JARID2: variants seen among roughly 807,000 people sequenced by gnomAD.
The protein encoded by JARID2 is protein Jumonji.
A neutral mutation model predicts 125.6 loss-of-function variants in JARID2; 21 were observed. The observed-to-expected ratio is 0.17, with a 90% CI of 0.12 to 0.24. JARID2 has a LOEUF of 0.24. JARID2 is among the 10% of genes least tolerant of loss of function. The pLI, the probability that JARID2 is intolerant of heterozygous loss-of-function variation, is 1.00. For missense variants in JARID2, 1,303 were observed against 1,639.6 expected, an observed-to-expected ratio of 0.79 and a Z score of 3.55; for synonymous variants, 736 against 661.6, an observed-to-expected ratio of 1.11 and a Z score of -1.73.
At chr6:15,452,509 G>A (rs1312480532) in intron 4 of JARID2, among the ~76,000 whole-genome samples, 1 of 152,072 alleles carries the variant, frequency 6.6e-6, no homozygotes, top group East Asian at 1.9e-4. Context: ...TTGCTGACTT[G>A]TTTTGTAAGG....
intron 2 of JARID2, among the ~76,000 whole-genome samples, chr6:15,384,713 G>A (rs953942077): frequency 4.0e-5 from 6 of 151,810 alleles, no homozygotes; most frequent in African/African-American, 1.5e-4. Context: ...CCAACCCCCC[G>A]AACTCAAGTT....
chr6:15,344,968 A>G (rs1242020406), intron 1 of JARID2, among the ~76,000 whole-genome samples: 1 of 152,086 alleles, frequency 6.6e-6, no homozygotes, highest in Non-Finnish European at 1.5e-5. Context: ...TGAATTAGGG[A>G]AGTAAGTTTG....
At chr6:15,294,997 A>C (rs1437512825) in intron 1 of JARID2, among the ~76,000 whole-genome samples, 7 of 152,208 alleles carry the variant, frequency 4.6e-5, no homozygotes, top group African/African-American at 1.7e-4. Context: ...TCCAAATTCA[A>C]GAATTTAGAT....
intron 1 of JARID2, among the ~76,000 whole-genome samples, chr6:15,320,586 A>G (rs1762317954): frequency 1.3e-5 from 2 of 152,200 alleles, no homozygotes; most frequent in Non-Finnish European, 2.9e-5. Flanking sequence ...TCTGGTATTC[A>G]TTACAATGCA....
chr6:15,520,505 T>G lies in JARID2; in HGVS notation c.*254T>G, dbSNP rs1258071006. On this transcript the variant is annotated 3_prime_UTR_variant, in exon 18 of 18. Coordinates refer to ENST00000341776, the MANE Select transcript of JARID2 (RefSeq NM_004973.4). ...TTTTAAAAACCCCGGAGGGGCTGTA[T>G]TAATTTGTATTGCCCCATGGCTGAC... The G allele has an allele frequency of 4.9e-6, 2 of 404,508 alleles. No individual in the cohort carries two copies. The highest frequency in any genetic ancestry group is 4.1e-5 in the African/African-American group (2 of 48,508). The allele number at this position is 404,508 out of a possible 1,614,324, so 25.1% of individuals were successfully genotyped here.
intron 5 of JARID2, among the ~76,000 whole-genome samples, chr6:15,481,835 C>G (rs1212633609): frequency 6.6e-6 from 1 of 152,194 alleles, no homozygotes; most frequent in African/African-American, 2.4e-5. Context: ...CCAGATATCT[C>G]ATCAAAATAT....
intron 1 of JARID2, among the ~76,000 whole-genome samples, chr6:15,251,112 A>G (rs1409297464): frequency 1.3e-5 from 2 of 152,038 alleles, no homozygotes; most frequent in Non-Finnish European, 2.9e-5. Context: ...TCCGGGTTCA[A>G]TCGATTCTCC....
At chr6:15,435,849 T>G (rs969040083) in intron 3 of JARID2, among the ~76,000 whole-genome samples, 1 of 152,070 alleles carries the variant, frequency 6.6e-6, no homozygotes, top group Non-Finnish European at 1.5e-5. Flanking sequence ...AACTTTGAAC[T>G]TCAGGAGTAC....
In JARID2 at chr6:15,267,658, C is replaced by T. The variant is rs188740515; in HGVS notation, c.45+21074C>T. Among the ~76,000 whole-genome samples, 4 of 152,170 alleles carry T rather than the reference C, an allele frequency of 2.6e-5. No individual in the cohort carries two copies. The East Asian group carries it at 5.8e-4, about 22-fold the overall frequency. The stretch of plus-strand genomic sequence containing the variant: ...TTTGGCTGTCCTGTCTTCAGAAGTC[C>T]GGTGTGACGCGCGAACTCAATGGTT... On this transcript the variant is annotated intron_variant, in intron 1 of 17. Transcript: ENST00000341776.
intron 3 of JARID2, among the ~76,000 whole-genome samples, chr6:15,413,023 G>GTTTTTTTTTTTTTTTTT (rs1349875486): frequency 1.5e-5 from 1 of 68,004 alleles, no homozygotes; most frequent in Non-Finnish European, 2.6e-5. Flanking sequence ...TTTTTTTTTT[G>GTTTTTTTTTTTTTTTTT]TTTTTTTTTT....
intron 2 of JARID2, among the ~76,000 whole-genome samples, chr6:15,378,059 G>A (rs1764435761): frequency 6.7e-6 from 1 of 148,978 alleles, no homozygotes; most frequent in African/African-American, 2.5e-5. Context: ...TAATTTTTTT[G>A]TGTATTTTTA....
At chr6:15,376,766 G>A (rs1435202227) in intron 2 of JARID2, among the ~76,000 whole-genome samples, 1 of 152,128 alleles carries the variant, frequency 6.6e-6, no homozygotes, top group Non-Finnish European at 1.5e-5. Flanking sequence ...CTTAAACAAA[G>A]TGTACTTTCT....
chr6:15,439,878 C>G (rs183683436), intron 3 of JARID2, among the ~76,000 whole-genome samples: 58 of 152,330 alleles, frequency 3.8e-4, no homozygotes, highest in Non-Finnish European at 7.5e-4. Context: ...GCCTTAAAAA[C>G]CCATAGAGTA....
chr6:15,324,859 A>AG (rs1258120804), intron 1 of JARID2, among the ~76,000 whole-genome samples: 3 of 151,576 alleles, frequency 2.0e-5, no homozygotes, highest in South Asian at 4.1e-4. Flanking sequence ...TAAAAAAAAA[A>AG]AAAAGAAAAG....
Position 15,304,905 on chromosome 6 carries a change from C to T in JARID2, c.45+58321C>T, listed in dbSNP as rs562604302. Among the ~76,000 whole-genome samples, 14 of 151,802 alleles carry T rather than the reference C, an allele frequency of 9.2e-5. No homozygotes were observed. The South Asian group carries it at 2.9e-3, about 32-fold the overall frequency. On this transcript the variant is annotated intron_variant, in intron 1 of 17. Coordinates refer to ENST00000341776, the MANE Select transcript of JARID2 (RefSeq NM_004973.4). ...TGAGGTGCAGGGAGGGGTGGAGCAGCTGTTTCCAGCATGTGTTTCGCTCTC... is the reference window on the plus strand; with the variant it reads ...TGAGGTGCAGGGAGGGGTGGAGCAGTTGTTTCCAGCATGTGTTTCGCTCTC...
intron 1 of JARID2, among the ~76,000 whole-genome samples, chr6:15,306,403 C>G (rs1459725623): frequency 7.1e-6 from 1 of 141,406 alleles, no homozygotes; most frequent in African/African-American, 2.6e-5. Flanking sequence ...GGCACAATCT[C>G]AGCTCACTGC....
At chr6:15,375,499 T>G (rs138834937) in intron 2 of JARID2, among the ~76,000 whole-genome samples, 27 of 152,260 alleles carry the variant, frequency 1.8e-4, no homozygotes, top group African/African-American at 6.0e-4. Context: ...GAAAACAAAA[T>G]AAGTTGTGGA....
intron 3 of JARID2, among the ~76,000 whole-genome samples, chr6:15,436,822 T>TC (rs398109881): frequency 1.3e-5 from 2 of 151,456 alleles, no homozygotes; most frequent in African/African-American, 2.4e-5. Context: ...ATTTTTTTTT[T>TC]CCCCCATAAT....
chr6:15,451,949 G>A, intron 3 of JARID2, 57 bp from the exon 4 acceptor site: 1 of 1,544,448 alleles, frequency 6.5e-7, no homozygotes, highest in Non-Finnish European at 8.8e-7. Context: ...GCCGCACGTA[G>A]GCCTATATCC....
Sources: allele counts gnomAD v4.1 joint callset (sites outside exome capture counted in the v4.1 genomes callset), GRCh38; gene constraint gnomAD v4.1.1; transcripts MANE v1.5; gene names NCBI Gene and HGNC (gene_info 2026-07-23, HGNC 2026-07-21).